The following ATXN1 variants were observed in gnomAD, a reference collection of about 807,000 sequenced individuals.
ATXN1 encodes the protein ataxin-1.
In ATXN1, 8 loss-of-function variants were observed where a neutral mutation model predicts 56.4. The ratio of observed to expected loss-of-function variants is 0.14; its 90% CI spans 0.08 to 0.26. ATXN1 has a LOEUF of 0.26. Ranked by LOEUF, ATXN1 falls within the 10% of genes least tolerant of loss-of-function variation. ATXN1 has a pLI of 1.00. For missense variants in ATXN1, 987 were observed against 1,106.5 expected (o/e 0.89, Z 1.53); for synonymous variants, 514 against 494.6 (o/e 1.04, Z -0.52).
chr6:16,355,727 A>G (rs1191676695), intron 6 of ATXN1, among the ~76,000 whole-genome samples: 1 of 152,016 alleles, frequency 6.6e-6, no homozygotes, highest in African/African-American at 2.4e-5. Context: ...ACGCCCGGCT[A>G]ATTTTTTTCT....
intron 2 of ATXN1, among the ~76,000 whole-genome samples, chr6:16,734,312 G>A (rs1480617820): frequency 6.6e-6 from 1 of 152,034 alleles, no homozygotes; most frequent in Non-Finnish European, 1.5e-5. Flanking sequence ...TCATGACACT[G>A]GGCATCCCCG....
At chr6:16,717,909 T>G (rs1420076666) in intron 2 of ATXN1, among the ~76,000 whole-genome samples, 1 of 152,216 alleles carries the variant, frequency 6.6e-6, no homozygotes, top group East Asian at 1.9e-4. Context: ...ACAGAGCTGT[T>G]TAGGATGATG....
intron 6 of ATXN1, among the ~76,000 whole-genome samples, chr6:16,407,896 A>G (rs775575356): frequency 3.9e-5 from 6 of 152,246 alleles, no homozygotes; most frequent in Non-Finnish European, 7.3e-5. Context: ...GAAACCTGCC[A>G]GGGATAATGG....
chr6:16,480,065 T>G (rs1760403526), intron 6 of ATXN1, among the ~76,000 whole-genome samples: 1 of 146,066 alleles, frequency 6.8e-6, no homozygotes, highest in Admixed American at 7.1e-5. Flanking sequence ...GGCAGGAGAA[T>G]CGCTTGAACC....
At chr6:16,691,895 T>TC (rs943945807) in intron 2 of ATXN1, among the ~76,000 whole-genome samples, 2 of 152,138 alleles carry the variant, frequency 1.3e-5, no homozygotes, top group African/African-American at 4.8e-5. Context: ...ATCAAAGAAC[T>TC]CCCCCAGGAA....
At chr6:16,391,868 G>A (rs1286005721) in intron 6 of ATXN1, among the ~76,000 whole-genome samples, 1 of 152,188 alleles carries the variant, frequency 6.6e-6, no homozygotes, top group Non-Finnish European at 1.5e-5. Context: ...GCAGCCTGGA[G>A]GGGAGAAGGC....
At chr6:16,569,257 G>A (rs1316875938) in intron 4 of ATXN1, among the ~76,000 whole-genome samples, 2 of 152,108 alleles carry the variant, frequency 1.3e-5, no homozygotes, top group Non-Finnish European at 2.9e-5. Flanking sequence ...GGTGGCTCAC[G>A]CCTGTAATCC....
chr6:16,519,971 AG>A (rs1400984179), intron 5 of ATXN1, among the ~76,000 whole-genome samples: 4 of 152,222 alleles, frequency 2.6e-5, no homozygotes, highest in Non-Finnish European at 1.5e-5. Context: ...AGAGGGTATC[AG>A]GGCTGCCCTC....
At chr6:16,359,424 G>A (rs1219793512) in intron 6 of ATXN1, among the ~76,000 whole-genome samples, 3 of 152,158 alleles carry the variant, frequency 2.0e-5, no homozygotes, top group Non-Finnish European at 4.4e-5. Flanking sequence ...GGCAGAGAGA[G>A]AATGGGACTG....
At chr6:16,743,852 G>A (rs1760430216) in intron 2 of ATXN1, among the ~76,000 whole-genome samples, 3 of 152,138 alleles carry the variant, frequency 2.0e-5, no homozygotes, top group African/African-American at 7.2e-5. Context: ...CTTGAAGGAG[G>A]AAGTGCGATG....
intron 4 of ATXN1, among the ~76,000 whole-genome samples, chr6:16,542,552 G>A (rs769330803): frequency 7.2e-5 from 11 of 152,164 alleles, no homozygotes; most frequent in Non-Finnish European, 1.6e-4. Flanking sequence ...TCTCTAGAGG[G>A]AAAGTATGTA....
intron 3 of ATXN1, among the ~76,000 whole-genome samples, chr6:16,608,445 A>AT (rs1247216354): frequency 1.3e-5 from 2 of 152,220 alleles, no homozygotes; most frequent in African/African-American, 2.4e-5. Flanking sequence ...GGGGAGAACT[A>AT]TTTTTTCACT....
In ATXN1 at chr6:16,366,618, T is replaced by G. The variant is rs149741315; in HGVS notation, c.-160-38148A>C. 3.9e-3 allele frequency among the ~76,000 whole-genome samples: 597 copies of G among 151,660 alleles called. 5 individuals are homozygous for G. The highest frequency in any genetic ancestry group is 0.013 in the African/African-American group (556 of 41,354). ...CAACATATTGAAACCCCTTCTCTAT[T>G]AAAAATACAAAAATTAGCCGGGCAT... On this transcript the variant is annotated intron_variant, in intron 6 of 7. Transcript: ENST00000436367.
Position 16,562,451 on chromosome 6 carries a change from A to AAAAGGAAAGGAAAGGAAAGG in ATXN1, c.-361+23328_-361+23329insCCTTTCCTTTCCTTTCCTTT, listed in dbSNP as rs1163313957. Among the ~76,000 whole-genome samples the AAAAGGAAAGGAAAGGAAAGG allele has an allele frequency of 5.7e-3, 515 of 90,554 alleles. 12 individuals carry two copies. Among genetic ancestry groups the AAAAGGAAAGGAAAGGAAAGG allele is most frequent in the African/African-American group, 0.027 (485 of 18,284 alleles). 59.4% of individuals were successfully genotyped at this position (90,554 alleles called of 152,430 possible). On this transcript the variant is annotated intron_variant, in intron 4 of 7. Coordinates refer to ENST00000436367, the MANE Select transcript of ATXN1 (RefSeq NM_001128164.2). ...GGAAGGAGAAGAAAAGAAAAGAAAG[A>AAAAGGAAAGGAAAGGAAAGG]AAAGGAGAGGAGAGGAGAGGAGAGG...
Position 16,326,342 on chromosome 6 carries a change from G to A in ATXN1, c.1917+52C>T, listed in dbSNP as rs1760804002. On this transcript the variant is annotated intron_variant, in intron 7 of 7. Transcript: ENST00000436367. This position sits in a 1 kb window ranked among gnomAD's most constrained non-coding sequence, Gnocchi z 6.6. ...GCAATTCGTCTTGCCAGGAGATGATGATGGCATCACGGTGTGGTGTCCCAT... is the reference window on the plus strand; with the variant it reads ...GCAATTCGTCTTGCCAGGAGATGATAATGGCATCACGGTGTGGTGTCCCAT... 2 of 1,595,948 alleles carry A rather than the reference G, an allele frequency of 1.3e-6. No homozygotes were observed. Among genetic ancestry groups the A allele is most frequent in the Admixed American group, 1.7e-5 (1 of 59,432 alleles).
chr6:16,347,071 T>C (rs567114804), intron 6 of ATXN1, among the ~76,000 whole-genome samples: 1 of 152,242 alleles, frequency 6.6e-6, no homozygotes, highest in Non-Finnish European at 1.5e-5. Context: ...TTAGCTGCCT[T>C]CTGGCGGGCA....
intron 6 of ATXN1, among the ~76,000 whole-genome samples, chr6:16,468,316 G>C (rs540650670): frequency 2.0e-5 from 3 of 152,310 alleles, no homozygotes; most frequent in South Asian, 4.1e-4. Context: ...CTCCTGAGTA[G>C]CTGGGACTAC....
At chr6:16,664,704 G>A (rs187598703) in intron 2 of ATXN1, among the ~76,000 whole-genome samples, 31 of 151,328 alleles carry the variant, frequency 2.0e-4, no homozygotes, top group African/African-American at 7.6e-4. Context: ...TAGGCCAGTG[G>A]TCCTCACACT....
intron 4 of ATXN1, among the ~76,000 whole-genome samples, chr6:16,576,890 TTTATAGGA>T (rs1762432196): frequency 6.6e-6 from 1 of 152,122 alleles, no homozygotes; most frequent in Non-Finnish European, 1.5e-5. Flanking sequence ...TCCTTTTGCT[TTTATAGGA>T]GATTGACATA....
Sources: gnomAD v4.1 joint callset for allele counts (sites outside exome capture counted in the v4.1 genomes callset) on GRCh38, gnomAD v4.1.1 for gene constraint, Gnocchi (gnomAD v3.1) non-coding constraint, MANE v1.5 for transcripts, NCBI Gene and HGNC (gene_info 2026-07-23, HGNC 2026-07-21) for gene names.